FMN2: variants seen among roughly 807,000 people sequenced by gnomAD.
FMN2 encodes formin-2.
FMN2 carries 51 observed loss-of-function variants against 142.3 expected under a neutral mutation model. That is an observed-to-expected ratio of 0.36 (90% CI 0.29 to 0.45). The LOEUF is 0.45. FMN2 is among the 20% of genes least tolerant of loss of function. The pLI is 1.00. For synonymous variants in FMN2, 882 were observed against 869.8 expected (o/e 1.01, Z -0.25); for missense variants, 1,936 against 2,122.8 (o/e 0.91, Z 1.73).
At chr1:240,224,125 T>C (rs1157418267) in intron 6 of FMN2, among the ~76,000 whole-genome samples, 2 of 152,364 alleles carry the variant, frequency 1.3e-5, no homozygotes, top group East Asian at 1.9e-4. Flanking sequence ...CATTTAGTGC[T>C]ATAAATTTCC....
chr1:240,420,339 T>C (rs1406318365), intron 15 of FMN2, among the ~76,000 whole-genome samples: 1 of 152,180 alleles, frequency 6.6e-6, no homozygotes, highest in Non-Finnish European at 1.5e-5. Flanking sequence ...CCAGCACACC[T>C]ACTCCTCTTT....
intron 15 of FMN2, among the ~76,000 whole-genome samples, chr1:240,434,950 T>A (rs1675315770): frequency 6.6e-6 from 1 of 152,010 alleles, no homozygotes; most frequent in Non-Finnish European, 1.5e-5. Flanking sequence ...TTCTGGACAC[T>A]CTACGTCACA....
At chr1:240,470,255 A>T (rs1474511995) in intron 16 of FMN2, among the ~76,000 whole-genome samples, 1 of 151,612 alleles carries the variant, frequency 6.6e-6, no homozygotes, top group East Asian at 1.9e-4. Context: ...CAAATACTTC[A>T]ACTTAAATTT....
chr1:240,468,269 CATAT>C (rs764480497), intron 16 of FMN2, among the ~76,000 whole-genome samples: 3 of 151,504 alleles, frequency 2.0e-5, no homozygotes, highest in East Asian at 3.9e-4. Context: ...TGCACACACA[CATAT>C]ACATATGCAC....
intron 8 of FMN2, among the ~76,000 whole-genome samples, chr1:240,316,349 C>G (rs751377705): frequency 1.6e-4 from 24 of 151,968 alleles, no homozygotes; most frequent in Non-Finnish European, 3.1e-4. Context: ...AGATAAAGAC[C>G]CAGCAGATGG....
At chr1:240,229,555 A>T (rs1667466372) in intron 6 of FMN2, among the ~76,000 whole-genome samples, 1 of 152,226 alleles carries the variant, frequency 6.6e-6, no homozygotes. Context: ...TTTATAAAAA[A>T]TGACTATGTT....
intron 15 of FMN2, 48 bp from the exon 16 acceptor site, chr1:240,438,013 G>A: frequency 6.3e-7 from 1 of 1,581,584 alleles, no homozygotes; most frequent in South Asian, 1.2e-5. Flanking sequence ...ATCCCATATT[G>A]GAAAGTAATC....
chr1:240,270,340 A>G (rs1394247509), intron 7 of FMN2, among the ~76,000 whole-genome samples: 1 of 152,148 alleles, frequency 6.6e-6, no homozygotes, highest in Non-Finnish European at 1.5e-5. Flanking sequence ...AGATTTCTCA[A>G]AAAATAACAA....
intron 16 of FMN2, among the ~76,000 whole-genome samples, chr1:240,463,085 C>A (rs1407365716): frequency 6.6e-6 from 1 of 152,126 alleles, no homozygotes; most frequent in Non-Finnish European, 1.5e-5. Flanking sequence ...GCCTCGCAGA[C>A]CTCGCTAAGG....
At chr1:240,390,574 A>G (rs1242460825) in intron 14 of FMN2, among the ~76,000 whole-genome samples, 1 of 152,246 alleles carries the variant, frequency 6.6e-6, no homozygotes, top group African/African-American at 2.4e-5. Context: ...TATAATTATT[A>G]GTTGACTTAC....
chr1:240,325,854 G>A lies in FMN2; in HGVS notation c.4216-3222G>A, dbSNP rs560960838. On this transcript the variant is annotated intron_variant, in intron 8 of 17. Transcript: ENST00000319653. The stretch of plus-strand genomic sequence containing the variant: ...ACAAGACGGCTGTGATGTACCTGAT[G>A]GGGAAAAATCTGTGTGCTGGACAAG... Among the ~76,000 whole-genome samples, 6 of 152,174 alleles carry A rather than the reference G, an allele frequency of 3.9e-5. No individual in the cohort carries two copies. The South Asian group carries it at 1.0e-3, about 26-fold the overall frequency.
intron 16 of FMN2, chr1:240,459,413 C>T (rs554212873): frequency 6.6e-6 from 1 of 152,294 alleles, no homozygotes; most frequent in East Asian, 1.9e-4. Context: ...ACTGGACACT[C>T]TTGTGATTGT....
At chr1:240,309,625 C>T (rs1429441063) in intron 8 of FMN2, among the ~76,000 whole-genome samples, 1 of 152,086 alleles carries the variant, frequency 6.6e-6, no homozygotes, top group Non-Finnish European at 1.5e-5. Flanking sequence ...CACCGCTGAC[C>T]AATTGTGCTG....
At chr1:240,129,505 CTTT>C (rs35446628) in intron 2 of FMN2, among the ~76,000 whole-genome samples, 3 of 121,978 alleles carry the variant, frequency 2.5e-5, no homozygotes, top group Admixed American at 8.5e-5. Context: ...CTGCTGATGC[CTTT>C]TTTTTTTTTT....
At chr1:240,252,642 G>T (rs1049876168) in intron 6 of FMN2, among the ~76,000 whole-genome samples, 2 of 150,964 alleles carry the variant, frequency 1.3e-5, no homozygotes, top group East Asian at 2.0e-4. Context: ...TGACGGGGGG[G>T]GTGGTTCTCT....
chr1:240,298,266 G>C (rs572123774), intron 8 of FMN2, among the ~76,000 whole-genome samples: 1 of 152,268 alleles, frequency 6.6e-6, no homozygotes, highest in Non-Finnish European at 1.5e-5. Flanking sequence ...TGCAGTACAG[G>C]AACTTGAAGG....
chr1:240,340,567 C>T (rs144649898), intron 13 of FMN2, among the ~76,000 whole-genome samples: 1,747 of 152,142 alleles, frequency 0.011, 16 homozygotes, highest in South Asian at 0.024. Flanking sequence ...GATGACAGAG[C>T]GAGACTCCAT....
chr1:240,146,990 C>A (rs540830866), intron 2 of FMN2, among the ~76,000 whole-genome samples: 5 of 152,064 alleles, frequency 3.3e-5, no homozygotes, highest in Non-Finnish European at 5.9e-5. Context: ...GGCAATTAGA[C>A]CCCGTGGTGA....
At chr1:240,260,165 A>G (rs1270591764) in intron 7 of FMN2, among the ~76,000 whole-genome samples, 5 of 152,184 alleles carry the variant, frequency 3.3e-5, no homozygotes, top group Non-Finnish European at 5.9e-5. Flanking sequence ...ATGGGCATTT[A>G]GGCTGGTTCC....
Sources: allele counts gnomAD v4.1 joint callset (sites outside exome capture counted in the v4.1 genomes callset), GRCh38; gene constraint gnomAD v4.1.1; transcripts MANE v1.5; gene names NCBI Gene and HGNC (gene_info 2026-07-23, HGNC 2026-07-21).